CAMK1D: variants seen among roughly 807,000 people sequenced by gnomAD.
CAMK1D encodes the protein calcium/calmodulin dependent protein kinase ID, also known as calcium/calmodulin-dependent protein kinase type 1D.
A neutral mutation model predicts 47.7 loss-of-function variants in CAMK1D; 9 were observed. The observed-to-expected ratio is 0.19, with a 90% CI of 0.11 to 0.33. CAMK1D has a LOEUF of 0.33. CAMK1D is among the 10% of genes least tolerant of loss of function. The probability of loss-of-function intolerance (pLI) is 1.00; values close to 1 mark genes in which losing one functional copy is unlikely to be tolerated. For synonymous variants in CAMK1D, 184 were observed against 184.9 expected, an observed-to-expected ratio of 0.99 and a Z score of 0.04; for missense variants, 291 against 488.7, an observed-to-expected ratio of 0.60 and a Z score of 3.81.
intron 1 of CAMK1D, among the ~76,000 whole-genome samples, chr10:12,350,681 T>G (rs1837327899): frequency 6.6e-6 from 1 of 152,260 alleles, no homozygotes; most frequent in Admixed American, 6.5e-5. Context: ...TCAGCTCAGC[T>G]GCTGTTCCCT....
intron 2 of CAMK1D, among the ~76,000 whole-genome samples, chr10:12,663,805 T>G (rs527368415): frequency 2.0e-5 from 3 of 152,296 alleles, no homozygotes; most frequent in African/African-American, 7.2e-5. Context: ...TCGTATGGCA[T>G]TTTTTGAAAA....
In CAMK1D at chr10:12,711,260, A is replaced by T. The variant is rs187847616; in HGVS notation, c.299+44450A>T. 1.7e-3 allele frequency among the ~76,000 whole-genome samples: 265 copies of T among 152,288 alleles called. 2 individuals carry two copies. The highest frequency in any genetic ancestry group is 6.0e-3 in the African/African-American group (249 of 41,548). On this transcript the variant is annotated intron_variant, in intron 3 of 10. Coordinates refer to ENST00000619168, the MANE Select transcript of CAMK1D (RefSeq NM_153498.4). ...GATCTAGCCATTTTCAGCAGTGGTC[A>T]TAGGGGACTGGAACGGGGGCGCCAC...
rs534693448 is a variant in CAMK1D at position 12,562,138 on chromosome 10, C to T, written c.224+8782C>T. ...TTCTGCAGGCTGGGAAGTCCAAGAT[C>T]GGGTGGCTGCCTCTGGTGAGGATTT... On this transcript the variant is annotated intron_variant, in intron 2 of 10. Transcript: ENST00000619168. 1.6e-4 allele frequency among the ~76,000 whole-genome samples: 24 copies of T among 152,270 alleles called. 1 individual carries two copies. In the South Asian group the frequency reaches 4.8e-3, roughly 30 times the overall value.
At chr10:12,414,011 A>G (rs571950639) in intron 1 of CAMK1D, among the ~76,000 whole-genome samples, 1 of 152,326 alleles carries the variant, frequency 6.6e-6, no homozygotes, top group South Asian at 2.1e-4. Context: ...TGGTGACAGT[A>G]TGGTAGTTTG....
chr10:12,635,422 G>T (rs1157142823), intron 2 of CAMK1D, among the ~76,000 whole-genome samples: 1 of 152,206 alleles, frequency 6.6e-6, no homozygotes, highest in Non-Finnish European at 1.5e-5. Context: ...GAATAGGTTA[G>T]ATACAAAGTT....
intron 1 of CAMK1D, among the ~76,000 whole-genome samples, chr10:12,552,249 A>T (rs1041871516): frequency 3.9e-5 from 6 of 152,208 alleles, no homozygotes; most frequent in African/African-American, 1.2e-4. Context: ...CTGCCGTTGC[A>T]GAGTGAAATG....
intron 2 of CAMK1D, among the ~76,000 whole-genome samples, chr10:12,603,273 T>C (rs1459697017): frequency 6.6e-6 from 1 of 152,094 alleles, no homozygotes; most frequent in Non-Finnish European, 1.5e-5. Context: ...GCATTCCGGA[T>C]TCCTCCTCCC....
intron 1 of CAMK1D, among the ~76,000 whole-genome samples, chr10:12,476,711 T>G (rs1448799075): frequency 1.4e-4 from 22 of 152,308 alleles, no homozygotes; most frequent in Non-Finnish European, 1.0e-4. Flanking sequence ...TTAAATGTGA[T>G]AAGTATTTCC....
chr10:12,758,111 A>G (rs1354286854), intron 3 of CAMK1D, among the ~76,000 whole-genome samples: 1 of 151,952 alleles, frequency 6.6e-6, no homozygotes, highest in Non-Finnish European at 1.5e-5. Flanking sequence ...TGGCCTCCCA[A>G]AGTGCTGGGA....
At chr10:12,698,764 C>G (rs1367671679) in intron 3 of CAMK1D, among the ~76,000 whole-genome samples, 1 of 147,488 alleles carries the variant, frequency 6.8e-6, no homozygotes, top group East Asian at 2.0e-4. Flanking sequence ...CCTCCGCCTC[C>G]TGGATTGAAG....
chr10:12,450,102 AGAAG>A (rs1833040973), intron 1 of CAMK1D, among the ~76,000 whole-genome samples: 2 of 139,088 alleles, frequency 1.4e-5, no homozygotes, highest in South Asian at 5.6e-4. Context: ...AAGGAAGGAA[AGAAG>A]GAAGGAAGGG....
chr10:12,382,477 TC>T (rs549245584), intron 1 of CAMK1D, among the ~76,000 whole-genome samples: 4 of 152,256 alleles, frequency 2.6e-5, no homozygotes, highest in Non-Finnish European at 5.9e-5. Flanking sequence ...CTGTTTATTA[TC>T]ATACCCAGAC....
At chr10:12,526,669 G>A (rs915820854) in intron 1 of CAMK1D, among the ~76,000 whole-genome samples, 2 of 152,172 alleles carry the variant, frequency 1.3e-5, no homozygotes, top group African/African-American at 4.8e-5. Flanking sequence ...TGTAATCCCA[G>A]CACTTTGGGA....
intron 2 of CAMK1D, among the ~76,000 whole-genome samples, chr10:12,650,304 C>T (rs1839924238): frequency 1.3e-5 from 2 of 152,260 alleles, no homozygotes; most frequent in Non-Finnish European, 1.5e-5. Context: ...GACCAGCGTG[C>T]CAGGGGCAGG....
chr10:12,755,197 GA>G (rs1398051846), intron 3 of CAMK1D, among the ~76,000 whole-genome samples: 1 of 152,218 alleles, frequency 6.6e-6, no homozygotes, highest in African/African-American at 2.4e-5. Context: ...TGCATGAAAT[GA>G]AAACTTAATC....
At chr10:12,375,278 C>T (rs569264372) in intron 1 of CAMK1D, among the ~76,000 whole-genome samples, 1 of 152,250 alleles carries the variant, frequency 6.6e-6, no homozygotes, top group South Asian at 2.1e-4. Flanking sequence ...ATTGTCTCCA[C>T]GGTGGTTTAG....
At chr10:12,623,343 TCCTCCCTCCCTCCCTC>T (rs1159194999) in intron 2 of CAMK1D, among the ~76,000 whole-genome samples, 1 of 2,400 alleles carries the variant, frequency 4.2e-4, no homozygotes, top group African/African-American at 1.4e-3. Flanking sequence ...CTCCTTTCTT[TCCTCCCTCCCTCCCTC>T]CCTCCCTCCC....
chr10:12,356,439 C>A (rs921272751), intron 1 of CAMK1D, among the ~76,000 whole-genome samples: 1 of 152,140 alleles, frequency 6.6e-6, no homozygotes, highest in African/African-American at 2.4e-5. Flanking sequence ...TCTGGGCTCC[C>A]CTGGGGAGGG....
chr10:12,821,708 C>T lies in CAMK1D; in HGVS notation c.834-2757C>T, dbSNP rs548202711. Among the ~76,000 whole-genome samples, 16 of 152,326 alleles carry T rather than the reference C, an allele frequency of 1.1e-4. No homozygotes were observed. In the South Asian group the frequency reaches 3.3e-3, roughly 32 times the overall value. The stretch of plus-strand genomic sequence containing the variant: ...CCAGAAAGCTGGCCGGGTGTGGTGG[C>T]TCATGCCTGTAATCCCAGCACTTTG... On this transcript the variant is annotated intron_variant, in intron 8 of 10. Transcript: ENST00000619168.
Sources: allele counts gnomAD v4.1 joint callset (sites outside exome capture counted in the v4.1 genomes callset), GRCh38; gene constraint gnomAD v4.1.1; transcripts MANE v1.5; gene names NCBI Gene and HGNC (gene_info 2026-07-23, HGNC 2026-07-21).